SNTB1: variants seen among roughly 807,000 people sequenced by gnomAD.
The protein encoded by SNTB1 is beta-1-syntrophin.
SNTB1 carries 36 observed loss-of-function variants against 48.9 expected under a neutral mutation model. The ratio of observed to expected loss-of-function variants is 0.74; its 90% CI spans 0.56 to 0.97. SNTB1 has a LOEUF of 0.97. Among genes scored for constraint, SNTB1 ranks in the 50% least tolerant of loss-of-function variants. SNTB1 has a pLI of 0.00. For missense variants in SNTB1, 786 were observed against 703.4 expected (o/e 1.12, Z -1.33); for synonymous variants, 299 against 294.6 (o/e 1.01, Z -0.15).
At chr8:120,552,638 C>T (rs1201009612) in intron 4 of SNTB1, among the ~76,000 whole-genome samples, 2 of 152,100 alleles carry the variant, frequency 1.3e-5, no homozygotes, top group East Asian at 1.9e-4. Context: ...CCGCTGCACC[C>T]GGCCAAAGGA....
At chr8:120,641,860 A>G (rs77464738) in intron 2 of SNTB1, among the ~76,000 whole-genome samples, 2,839 of 152,338 alleles carry the variant, frequency 0.019, 48 homozygotes, top group Non-Finnish European at 0.03. Context: ...TGCCTCAGGC[A>G]AAAATGGATG....
intron 1 of SNTB1, among the ~76,000 whole-genome samples, chr8:120,698,329 A>G (rs1293230748): frequency 2.0e-5 from 3 of 152,210 alleles, no homozygotes; most frequent in Non-Finnish European, 2.9e-5. Flanking sequence ...ATCTCCAGAA[A>G]ATAAATTTTC....
intron 6 of SNTB1, among the ~76,000 whole-genome samples, chr8:120,541,560 T>G (rs1815289818): frequency 6.6e-6 from 1 of 152,174 alleles, no homozygotes; most frequent in South Asian, 2.1e-4. Flanking sequence ...TGATAAGAAT[T>G]TAATCTAACT....
chr8:120,719,412 A>T (rs950991174), intron 1 of SNTB1, among the ~76,000 whole-genome samples: 1 of 152,014 alleles, frequency 6.6e-6, no homozygotes, highest in Non-Finnish European at 1.5e-5. Flanking sequence ...CTTGCAGATG[A>T]CCTGTTGTGG....
At chr8:120,805,888 A>G (rs1390716908) in intron 1 of SNTB1, among the ~76,000 whole-genome samples, 1 of 152,218 alleles carries the variant, frequency 6.6e-6, no homozygotes, top group East Asian at 1.9e-4. Context: ...GCTTGAATCT[A>G]AGACTCAGCA....
chr8:120,682,412 TTC>T (rs1817946161), intron 2 of SNTB1, among the ~76,000 whole-genome samples: 1 of 152,228 alleles, frequency 6.6e-6, no homozygotes, highest in African/African-American at 2.4e-5. Flanking sequence ...CTTAGTCTCA[TTC>T]ACTATATATG....
chr8:120,721,998 C>T (rs1818668175), intron 1 of SNTB1, among the ~76,000 whole-genome samples: 2 of 151,070 alleles, frequency 1.3e-5, no homozygotes, highest in Admixed American at 1.3e-4. Context: ...GTTTGGTTTC[C>T]TGTCCTTGTG....
intron 5 of SNTB1, among the ~76,000 whole-genome samples, chr8:120,548,495 C>A (rs184532643): frequency 3.2e-4 from 48 of 152,316 alleles, no homozygotes; most frequent in African/African-American, 1.0e-3. Context: ...GGAAGCCACC[C>A]AGAGGTTACA....
chr8:120,693,593 T>C (rs1818162476), intron 2 of SNTB1, 99 bp downstream of exon 2: 1 of 938,378 alleles, frequency 1.1e-6, no homozygotes, highest in East Asian at 2.5e-5. Context: ...GAAGCCATGA[T>C]GTGTTTTCAG....
At chr8:120,719,821 ATTTCACC>A (rs1818627218) in intron 1 of SNTB1, among the ~76,000 whole-genome samples, 1 of 152,116 alleles carries the variant, frequency 6.6e-6, no homozygotes, top group African/African-American at 2.4e-5. Flanking sequence ...ACTCTCCCAG[ATTTCACC>A]TTTGCTCACA....
chr8:120,668,811 C>A (rs776081488), intron 2 of SNTB1, among the ~76,000 whole-genome samples: 9 of 152,138 alleles, frequency 5.9e-5, no homozygotes, highest in Non-Finnish European at 1.3e-4. Flanking sequence ...TTCTAATTAG[C>A]CTTAGTAAAA....
chr8:120,601,587 C>T (rs1816423274), intron 3 of SNTB1, among the ~76,000 whole-genome samples: 2 of 152,182 alleles, frequency 1.3e-5, no homozygotes, highest in Admixed American at 1.3e-4. Flanking sequence ...ACAACTTCAT[C>T]TACCTCTTGT....
intron 1 of SNTB1, among the ~76,000 whole-genome samples, chr8:120,716,563 C>T (rs1050543907): frequency 6.6e-6 from 1 of 152,132 alleles, no homozygotes; most frequent in Non-Finnish European, 1.5e-5. Flanking sequence ...ATATAGGTCT[C>T]TGTTTTTAGA....
intron 2 of SNTB1, among the ~76,000 whole-genome samples, chr8:120,667,323 C>A (rs1458264266): frequency 6.6e-6 from 1 of 152,084 alleles, no homozygotes; most frequent in Non-Finnish European, 1.5e-5. Flanking sequence ...CCCTGGCTGC[C>A]CCTCCCCTGC....
intron 2 of SNTB1, among the ~76,000 whole-genome samples, chr8:120,634,081 C>T (rs1265948448): frequency 1.3e-5 from 2 of 152,122 alleles, no homozygotes; most frequent in East Asian, 1.9e-4. Flanking sequence ...TATCCCAAAT[C>T]CCTAGGCAAC....
intron 1 of SNTB1, among the ~76,000 whole-genome samples, chr8:120,773,537 A>G (rs1365996549): frequency 3.3e-5 from 5 of 152,306 alleles, no homozygotes; most frequent in African/African-American, 1.2e-4. Context: ...ACTGTGTTCC[A>G]TGGTAGCCCC....
intron 2 of SNTB1, 78 bp downstream of exon 2, chr8:120,693,614 C>T: frequency 1.7e-6 from 2 of 1,200,728 alleles, no homozygotes; most frequent in Non-Finnish European, 2.4e-6. Flanking sequence ...AACATGAGGG[C>T]AATCTCGTGA....
intron 1 of SNTB1, among the ~76,000 whole-genome samples, chr8:120,792,580 C>T (rs989551230): frequency 6.6e-6 from 1 of 151,954 alleles, no homozygotes; most frequent in African/African-American, 2.4e-5. Context: ...TAGTTGCTTG[C>T]TGCTAGCCAA....
chr8:120,754,640 A>C (rs1819284209), intron 1 of SNTB1, among the ~76,000 whole-genome samples: 1 of 152,174 alleles, frequency 6.6e-6, no homozygotes, highest in South Asian at 2.1e-4. Flanking sequence ...TGAAGTGTAG[A>C]TGTAGAGAGT....
Sources: gnomAD v4.1 joint callset for allele counts (sites outside exome capture counted in the v4.1 genomes callset) on GRCh38, gnomAD v4.1.1 for gene constraint, MANE v1.5 for transcripts, NCBI Gene and HGNC (gene_info 2026-07-23, HGNC 2026-07-21) for gene names.